The following SELENOT variants were observed in gnomAD, a reference collection of about 807,000 sequenced individuals.
The protein encoded by SELENOT is selenoprotein T, also known as thioredoxin reductase-like selenoprotein T.
Under a neutral mutation model 24.3 loss-of-function variants are expected in SELENOT, and 9 were observed. The ratio of observed to expected loss-of-function variants is 0.37; its 90% CI spans 0.22 to 0.65. The LOEUF is 0.65. Among genes scored for constraint, SELENOT ranks in the 30% least tolerant of loss-of-function variants. SELENOT has a pLI of 0.60. For missense variants in SELENOT, 166 were observed against 247.6 expected (o/e 0.67, Z 2.21); for synonymous variants, 81 against 86.0 (o/e 0.94, Z 0.32).
chr3:150,621,275 C>A (rs187468515), intron 1 of SELENOT, among the ~76,000 whole-genome samples: 209 of 152,196 alleles, frequency 1.4e-3, no homozygotes, highest in Middle Eastern at 3.4e-3. Flanking sequence ...TCACACCCCC[C>A]CCAAAAAACA....
chr3:150,614,931 C>G (rs958657866), intron 1 of SELENOT, among the ~76,000 whole-genome samples: 2 of 150,062 alleles, frequency 1.3e-5, no homozygotes, highest in African/African-American at 4.9e-5. Context: ...TAGTTACATA[C>G]GTATACATGT....
chr3:150,603,501 T>C lies in SELENOT; in HGVS notation c.137+2T>C. The C allele has an allele frequency of 6.2e-7, 1 of 1,604,000 alleles. No individual in the cohort carries two copies. The highest frequency in any genetic ancestry group is 8.5e-7 in the Non-Finnish European group (1 of 1,173,258). ...GCCGCTGCTCAAGTTCCAGATTTGG[T>C]GAGTATGTGCACTGGGCCCCGGCCA... is the stretch of plus-strand genomic sequence containing the variant. On this transcript the variant is annotated splice_donor_variant, in intron 1 of 5. Coordinates refer to ENST00000471696, the MANE Select transcript of SELENOT (RefSeq NM_016275.5). LOFTEE classifies it high-confidence loss of function.
intron 1 of SELENOT, among the ~76,000 whole-genome samples, chr3:150,621,911 T>G (rs1215511099): frequency 6.6e-6 from 1 of 152,104 alleles, no homozygotes; most frequent in Non-Finnish European, 1.5e-5. Context: ...TTTGTTTGTT[T>G]GTTTTTTGTT....
intron 1 of SELENOT, chr3:150,611,437 T>C: frequency 1.6e-6 from 2 of 1,258,338 alleles, no homozygotes; most frequent in Non-Finnish European, 2.3e-6. Flanking sequence ...TAAGTGTCTT[T>C]TGTATCTCCT....
chr3:150,621,285 A>T (rs900603716), intron 1 of SELENOT, among the ~76,000 whole-genome samples: 1 of 151,978 alleles, frequency 6.6e-6, no homozygotes, highest in Non-Finnish European at 1.5e-5. Context: ...CCCAAAAAAC[A>T]CAGGTTTTCT....
At chr3:150,603,600 GC>G in intron 1 of SELENOT, 101 bp downstream of exon 1, 1 of 1,336,908 alleles carries the variant, frequency 7.5e-7, no homozygotes, top group East Asian at 2.6e-5. Flanking sequence ...CCGCATCTTC[GC>G]TGGCCTCGTA....
intron 1 of SELENOT, among the ~76,000 whole-genome samples, chr3:150,621,276 C>G (rs545179220): frequency 1.3e-5 from 2 of 152,054 alleles, no homozygotes; most frequent in East Asian, 1.9e-4. Flanking sequence ...CACACCCCCC[C>G]CAAAAAACAC....
At chr3:150,617,760 T>G (rs1306605214) in intron 1 of SELENOT, among the ~76,000 whole-genome samples, 1 of 147,534 alleles carries the variant, frequency 6.8e-6, no homozygotes, top group Non-Finnish European at 1.5e-5. Context: ...TGTGTAGTGT[T>G]GTTTATGCAA....
intron 1 of SELENOT, among the ~76,000 whole-genome samples, chr3:150,610,480 A>G (rs552960434): frequency 1.1e-4 from 17 of 152,148 alleles, no homozygotes; most frequent in South Asian, 2.1e-4. Context: ...ATTATTTTCA[A>G]TTTTGCTGGT....
intron 1 of SELENOT, among the ~76,000 whole-genome samples, chr3:150,620,712 C>G (rs1296058050): frequency 1.2e-4 from 19 of 152,220 alleles, no homozygotes; most frequent in Non-Finnish European, 1.5e-4. Context: ...TAGAAAGATA[C>G]AATTATTTTA....
Position 150,627,101 on chromosome 3 carries a change from G to A in SELENOT, c.555G>A (p.Val185=). 1 of 1,613,594 alleles carries A rather than the reference G, an allele frequency of 6.2e-7. No individual in the cohort carries two copies. Among genetic ancestry groups the A allele is most frequent in the East Asian group, 2.2e-5 (1 of 44,870 alleles). Residue 185 remains valine (V), a synonymous_variant, in exon 5 of 6, where the codon GTG becomes GTA. Coordinates refer to ENST00000471696, the MANE Select transcript of SELENOT (RefSeq NM_016275.5). The part of the protein sequence containing the change: ...QILDNEMKLN[V]HMDSIPHHRS ...TTGACAATGAAATGAAGCTCAATGTGCATATGGATTCAATCCCACACCATC... is the reference window on the plus strand; with the variant it reads ...TTGACAATGAAATGAAGCTCAATGTACATATGGATTCAATCCCACACCATC...
chr3:150,615,600 T>C (rs1418295476), intron 1 of SELENOT, among the ~76,000 whole-genome samples: 2 of 152,054 alleles, frequency 1.3e-5, no homozygotes, highest in Admixed American at 1.3e-4. Flanking sequence ...CCATTCACAA[T>C]TGCTTCAAAG....
intron 1 of SELENOT, among the ~76,000 whole-genome samples, chr3:150,613,665 CTTTTTTTTTTTTTTT>C (rs531822237): frequency 3.8e-5 from 3 of 78,890 alleles, no homozygotes; most frequent in Admixed American, 3.3e-4. Flanking sequence ...AAGATGGGAA[CTTTTTTTTTTTTTTT>C]TTTTTTTTTT....
chr3:150,624,860 C>G lies in SELENOT; in HGVS notation c.424C>G (p.Gln142Glu). The change falls in exon 4 of 6, where the codon CAG becomes GAG. Residue 142 changes from glutamine (Q) to glutamate (E), a missense_variant. Gln to Glu is a conservative substitution (Grantham distance 29). Transcript: ENST00000471696. The part of the protein sequence containing the change: ...VFFLSNMIEN[Q>E]CMSTGAFEIT... ...CTTCTTGAGCAACATGATTGAGAAC[C>G]AGTGTATGTCAACAGGTGCATTTGA... 1 of 1,563,860 alleles carries G rather than the reference C, an allele frequency of 6.4e-7. No homozygotes were observed. Among genetic ancestry groups the G allele is most frequent in the Non-Finnish European group, 8.7e-7 (1 of 1,152,630 alleles).
chr3:150,620,651 A>AGAT, intron 1 of SELENOT, among the ~76,000 whole-genome samples: 1 of 152,224 alleles, frequency 6.6e-6, no homozygotes, highest in Non-Finnish European at 1.5e-5. Flanking sequence ...TCTATAAAAT[A>AGAT]CAAGTTTTGA....
chr3:150,611,880 C>T (rs1185535642), intron 1 of SELENOT: 1 of 1,013,758 alleles, frequency 9.9e-7, no homozygotes. Flanking sequence ...CCGTTCATGT[C>T]TCCGAGCTCC....
intron 1 of SELENOT, among the ~76,000 whole-genome samples, chr3:150,614,070 T>C (rs1455788857): frequency 1.3e-5 from 2 of 152,124 alleles, no homozygotes; most frequent in Non-Finnish European, 2.9e-5. Flanking sequence ...TGAACAGTTT[T>C]GAGTAGTGGC....
chr3:150,619,288 T>C (rs573016524), intron 1 of SELENOT, among the ~76,000 whole-genome samples: 2 of 151,678 alleles, frequency 1.3e-5, no homozygotes, highest in Non-Finnish European at 2.9e-5. Flanking sequence ...TCCCAGCACT[T>C]TGGGAAGCCG....
chr3:150,622,505 T>C lies in SELENOT; in HGVS notation c.248+10T>C. On this transcript the variant is annotated intron_variant, in intron 2 of 5. Coordinates refer to ENST00000471696, the MANE Select transcript of SELENOT (RefSeq NM_016275.5). ...CTCAACCAATATATAGGTAAGAAAT[T>C]TTAATAACTTAAAAGGAAAACAATG... is the stretch of plus-strand genomic sequence containing the variant. 1.5e-6 allele frequency: 2 copies of C among 1,298,152 alleles called. No homozygotes were observed. Among genetic ancestry groups the C allele is most frequent in the Non-Finnish European group, 2.1e-6 (2 of 957,530 alleles). The allele number at this position is 1,298,152 out of a possible 1,614,324, so 80.4% of individuals were successfully genotyped here.
Sources: allele counts gnomAD v4.1 joint callset (sites outside exome capture counted in the v4.1 genomes callset), GRCh38; gene constraint gnomAD v4.1.1; transcripts MANE v1.5; gene names NCBI Gene and HGNC (gene_info 2026-07-23, HGNC 2026-07-21).